SCML2: variants seen among roughly 807,000 people sequenced by gnomAD.
The protein encoded by SCML2 is Scm polycomb group protein like 2.
SCML2 carries 6 observed loss-of-function variants against 48.4 expected under a neutral mutation model. That is an observed-to-expected ratio of 0.12 (90% CI 0.07 to 0.24). The LOEUF (loss-of-function observed/expected upper bound fraction) is 0.24. Among genes scored for constraint, SCML2 ranks in the 10% least tolerant of loss-of-function variants. The probability of loss-of-function intolerance (pLI) is 1.00; values close to 1 mark genes in which losing one functional copy is unlikely to be tolerated. For missense variants in SCML2, 377 were observed against 528.2 expected (o/e 0.71, Z 2.81); for synonymous variants, 181 against 189.5 (o/e 0.95, Z 0.37).
chrX:18,321,275 T>C (rs1178783749), intron 5 of SCML2, among the ~76,000 whole-genome samples: 1 of 111,554 alleles, frequency 9.0e-6, no homozygotes, highest in Non-Finnish European at 1.9e-5. Context: ...GTGTCTTTTC[T>C]AGAGATCTCA....
intron 7 of SCML2, among the ~76,000 whole-genome samples, chrX:18,285,937 T>A: frequency 1.8e-5 from 2 of 111,892 alleles, no homozygotes; most frequent in Middle Eastern, 9.2e-3. Flanking sequence ...TTAGATGAGA[T>A]GAAATTAATA....
intron 1 of SCML2, chrX:18,341,283 T>C (rs1262775298): frequency 3.5e-6 from 2 of 574,261 alleles, no homozygotes; most frequent in South Asian, 2.7e-5. Flanking sequence ...AAAACAGAGA[T>C]GCAGGAGAAC....
rs1346964794 is a variant in SCML2, at chrX:18,246,763, T to C, written c.1636A>G (p.Ser546Gly). 8.3e-7 allele frequency: 1 copy of C among 1,204,240 alleles called. No homozygotes were observed. The highest frequency in any genetic ancestry group is 1.1e-6 in the Non-Finnish European group (1 of 889,112). ...KEENLSEDSK[S>G]SSLNSGNYLN... ...TAATTTCCTGAATTTAGTGATGAGC[T>C]CTTAGAATCTTCTGAAAGATTCTCC... The change falls in exon 13 of 15, where the codon AGC becomes GGC. Residue 546 changes from serine to glycine, a missense_variant. Transcript: ENST00000251900.
At chrX:18,261,083 G>A (rs1256322112) in intron 8 of SCML2, among the ~76,000 whole-genome samples, 1 of 108,806 alleles carries the variant, frequency 9.2e-6, no homozygotes, top group African/African-American at 3.5e-5. Context: ...AATGGCTGTC[G>A]TTTGGGTTGA....
chrX:18,316,321 G>A (rs1006131969), intron 6 of SCML2, among the ~76,000 whole-genome samples: 2 of 111,816 alleles, frequency 1.8e-5, no homozygotes, highest in Non-Finnish European at 3.8e-5. Context: ...CCCGGGAGGC[G>A]GAGGTTGCAG....
Position 18,331,259 on chromosome X carries a change from CAAAAAAAAAA to C in SCML2, c.23-614_23-605del, listed in dbSNP as rs35589774. On this transcript the variant is annotated intron_variant, in intron 2 of 14. Transcript: ENST00000251900. ...TGGGTGACAGAGCGAGACTCCGTCTCAAAAAAAAAAAAAAAAAAAAAAAAAAAAAAATCAG... is the reference window on the plus strand; with the variant it reads ...TGGGTGACAGAGCGAGACTCCGTCTCAAAAAAAAAAAAAAAAAAAAATCAG... Among the ~76,000 whole-genome samples the C allele has an allele frequency of 2.0e-3, 32 of 16,262 alleles. 1 individual carries two copies. The highest frequency in any genetic ancestry group is 6.3e-3 in the African/African-American group (26 of 4,101). The allele number at this position is 16,262 out of a possible 115,157, so 14.1% of individuals were successfully genotyped here.
chrX:18,281,733 C>G (rs1334269322), intron 7 of SCML2, among the ~76,000 whole-genome samples: 6 of 103,138 alleles, frequency 5.8e-5, no homozygotes, highest in Non-Finnish European at 1.2e-4. Context: ...AAAAAAAATC[C>G]AACTTGGCAC....
chrX:18,334,214 T>C, intron 1 of SCML2, 119 bp from the exon 2 acceptor site: 1 of 465,524 alleles, frequency 2.1e-6, no homozygotes. Flanking sequence ...AATGATAAGA[T>C]TTGTATATGC....
intron 7 of SCML2, among the ~76,000 whole-genome samples, chrX:18,296,419 A>T (rs1418312751): frequency 9.1e-6 from 1 of 110,430 alleles, no homozygotes; most frequent in East Asian, 2.8e-4. Flanking sequence ...AGACAAAAAA[A>T]AAAGAATAAA....
At chrX:18,242,130 G>A (rs965663457) in intron 14 of SCML2, among the ~76,000 whole-genome samples, 16 of 111,600 alleles carry the variant, frequency 1.4e-4, no homozygotes, top group African/African-American at 4.6e-4. Context: ...ACTGAGCTGG[G>A]AGCAGGTCGG....
At chrX:18,285,252 CAT>C (rs936410596) in intron 7 of SCML2, among the ~76,000 whole-genome samples, 1 of 110,105 alleles carries the variant, frequency 9.1e-6, no homozygotes, top group Non-Finnish European at 1.9e-5. Context: ...CACATGCACT[CAT>C]ATGTTCATTG....
intron 7 of SCML2, among the ~76,000 whole-genome samples, chrX:18,304,545 C>T (rs1207267280): frequency 9.0e-6 from 1 of 111,530 alleles, no homozygotes; most frequent in Non-Finnish European, 1.9e-5. Flanking sequence ...AAAAACAGGA[C>T]AAAAATCATG....
At chrX:18,242,406 A>T in intron 14 of SCML2, 33 bp downstream of exon 14, 1 of 1,164,042 alleles carries the variant, frequency 8.6e-7, no homozygotes, top group Non-Finnish European at 1.1e-6. Flanking sequence ...CAAAGGCATT[A>T]CGGCAGGAAA....
intron 6 of SCML2, among the ~76,000 whole-genome samples, chrX:18,312,800 C>T (rs908173696): frequency 2.3e-4 from 25 of 111,102 alleles, no homozygotes; most frequent in African/African-American, 7.9e-4. Flanking sequence ...GAGTAGGTAG[C>T]TGGATATACA....
intron 6 of SCML2, among the ~76,000 whole-genome samples, chrX:18,307,333 G>A (rs1054503162): frequency 4.5e-5 from 5 of 111,465 alleles, no homozygotes; most frequent in African/African-American, 6.5e-5. Context: ...AAAGGTAGAT[G>A]ATTAAAGATC....
intron 7 of SCML2, among the ~76,000 whole-genome samples, chrX:18,281,198 C>A (rs1264617137): frequency 3.3e-5 from 2 of 60,119 alleles, no homozygotes; most frequent in Non-Finnish European, 4.0e-5. Context: ...CTACCAAGAT[C>A]TCTCAAAACT....
intron 7 of SCML2, among the ~76,000 whole-genome samples, chrX:18,266,947 C>G (rs1415254357): frequency 8.9e-6 from 1 of 112,116 alleles, no homozygotes; most frequent in Non-Finnish European, 1.9e-5. Context: ...CCTCTTTTTA[C>G]CTCATTGCCA....
intron 1 of SCML2, among the ~76,000 whole-genome samples, chrX:18,339,961 T>C (rs1340574938): frequency 8.9e-6 from 1 of 112,090 alleles, no homozygotes; most frequent in African/African-American, 3.2e-5. Context: ...AAAAATCATA[T>C]ATGTAAACCC....
At chrX:18,307,980 G>C (rs2147525193) in intron 6 of SCML2, among the ~76,000 whole-genome samples, 1 of 110,055 alleles carries the variant, frequency 9.1e-6, no homozygotes, top group South Asian at 3.9e-4. Flanking sequence ...TGTAATCCCA[G>C]CTACTCAGTA....
Sources: allele counts gnomAD v4.1 joint callset (sites outside exome capture counted in the v4.1 genomes callset), GRCh38; gene constraint gnomAD v4.1.1; transcripts MANE v1.5; gene names NCBI Gene and HGNC (gene_info 2026-07-23, HGNC 2026-07-21).